ZFP91: variants seen among roughly 807,000 people sequenced by gnomAD.
ZFP91 encodes the protein ZFP91 zinc finger protein, atypical E3 ubiquitin ligase, also known as E3 ubiquitin-protein ligase ZFP91.
A neutral mutation model predicts 63.5 loss-of-function variants in ZFP91; 7 were observed. The observed-to-expected ratio is 0.11, with a 90% CI of 0.06 to 0.21. ZFP91 has a LOEUF of 0.21. Among genes scored for constraint, ZFP91 ranks in the 10% least tolerant of loss-of-function variants. The probability of loss-of-function intolerance (pLI) is 1.00; values close to 1 mark genes in which losing one functional copy is unlikely to be tolerated. For synonymous variants in ZFP91, 330 were observed against 272.1 expected (o/e 1.21, Z -2.10); for missense variants, 628 against 736.6 (o/e 0.85, Z 1.71).
chr11:58,587,099 T>A (rs1354528510), intron 2 of ZFP91, among the ~76,000 whole-genome samples: 2 of 151,338 alleles, frequency 1.3e-5, no homozygotes, highest in East Asian at 3.9e-4. Flanking sequence ...AGTTGCAACT[T>A]AAAAAAAAAG....
chr11:58,597,892 C>G (rs1324042574), intron 2 of ZFP91, among the ~76,000 whole-genome samples: 2 of 152,242 alleles, frequency 1.3e-5, no homozygotes, highest in East Asian at 3.9e-4. Context: ...GGAAGCACTT[C>G]CAGTATCACT....
At chr11:58,616,887 A>G (rs2134426197) in intron 10 of ZFP91, 72 bp downstream of exon 10, 2 of 1,427,296 alleles carry the variant, frequency 1.4e-6, no homozygotes, top group Non-Finnish European at 2.0e-6. Flanking sequence ...GCCGCTTTAC[A>G]AACATATTAG....
intron 2 of ZFP91, among the ~76,000 whole-genome samples, chr11:58,590,902 T>A (rs1348147155): frequency 6.6e-6 from 1 of 151,708 alleles, no homozygotes; most frequent in Non-Finnish European, 1.5e-5. Context: ...CATTTGATAT[T>A]TCTGGGTTTT....
chr11:58,594,127 CTG>C lies in ZFP91; in HGVS notation c.370+9246_370+9247del, dbSNP rs544695581. On this transcript the variant is annotated intron_variant, in intron 2 of 10. Coordinates refer to ENST00000316059, the MANE Select transcript of ZFP91 (RefSeq NM_053023.5). ...TGTCACCGTTCTGTTTAAACTCTGTCTGTGGCTATTAGGATAAGATTCAAAAT... is the reference window on the plus strand; with the variant it reads ...TGTCACCGTTCTGTTTAAACTCTGTCTGGCTATTAGGATAAGATTCAAAAT... 3.6e-3 allele frequency among the ~76,000 whole-genome samples: 545 copies of C among 152,282 alleles called. 1 individual carries two copies. The highest frequency in any genetic ancestry group is 5.8e-3 in the Non-Finnish European group (398 of 68,036).
At chr11:58,590,393 G>A (rs1053799170) in intron 2 of ZFP91, among the ~76,000 whole-genome samples, 8 of 152,082 alleles carry the variant, frequency 5.3e-5, no homozygotes, top group African/African-American at 1.9e-4. Context: ...TTACTGGTTG[G>A]GCCATTCCCC....
intron 2 of ZFP91, 51 bp from the exon 3 acceptor site, chr11:58,609,779 G>A: frequency 6.7e-7 from 1 of 1,497,230 alleles, no homozygotes. Context: ...ATACAGGGAT[G>A]GTTATTGGTT....
At chr11:58,611,115 A>T (rs1195274299) in intron 5 of ZFP91, 61 bp downstream of exon 5, 1 of 1,468,058 alleles carries the variant, frequency 6.8e-7, no homozygotes, top group East Asian at 2.3e-5. Context: ...GCACTGTTGC[A>T]TGCTTTTATT....
At chr11:58,611,772 C>T (rs866672933) in intron 6 of ZFP91, 34 bp downstream of exon 6, 2 of 1,575,940 alleles carry the variant, frequency 1.3e-6, no homozygotes, top group African/African-American at 1.4e-5. Flanking sequence ...GAAAATCTAA[C>T]AGATTTTGAA....
At chr11:58,596,826 C>T (rs1041028382) in intron 2 of ZFP91, among the ~76,000 whole-genome samples, 3 of 151,944 alleles carry the variant, frequency 2.0e-5, no homozygotes, top group Non-Finnish European at 2.9e-5. Context: ...TTTTCTATAA[C>T]GATGGCATCT....
chr11:58,584,949 G>T (rs527425968), intron 2 of ZFP91, 65 bp downstream of exon 2: 2 of 1,272,758 alleles, frequency 1.6e-6, no homozygotes, highest in Non-Finnish European at 2.1e-6. Context: ...CTGTTAGAAA[G>T]CCTCATCATT....
chr11:58,594,880 A>G (rs893085980), intron 2 of ZFP91, among the ~76,000 whole-genome samples: 3 of 152,232 alleles, frequency 2.0e-5, no homozygotes, highest in African/African-American at 7.2e-5. Flanking sequence ...ATAAGGAAAT[A>G]CAGCATGTGG....
chr11:58,617,949 C>T lies in ZFP91; in HGVS notation c.*243C>T. The T allele has an allele frequency of 4.8e-6, 2 of 415,346 alleles. No individual in the cohort carries two copies. The highest frequency in any genetic ancestry group is 8.0e-6 in the Non-Finnish European group (2 of 251,394). 25.7% of individuals were successfully genotyped at this position (415,346 alleles called of 1,614,324 possible). A position where few individuals can be genotyped will look rare whatever the true frequency, so the allele number is the denominator to read the frequency against. On this transcript the variant is annotated 3_prime_UTR_variant, in exon 11 of 11. Transcript: ENST00000316059. This position sits in a 1 kb window ranked among gnomAD's most constrained non-coding sequence, Gnocchi z 4.2. ...AGAAAGGTAGACAAAAAAGAAGCAG[C>T]AGCAGCTCTTAAAGTGAGGGTTATT...
chr11:58,589,542 CTAGTGA>C (rs542531071), intron 2 of ZFP91, among the ~76,000 whole-genome samples: 25 of 152,328 alleles, frequency 1.6e-4, no homozygotes, highest in African/African-American at 5.8e-4. Context: ...CAAAGTGCAG[CTAGTGA>C]TAGAAATACA....
At chr11:58,612,664 A>G in intron 7 of ZFP91, 98 bp from the exon 8 acceptor site, 2 of 890,986 alleles carry the variant, frequency 2.2e-6, no homozygotes, top group South Asian at 3.2e-5. Context: ...TCCTACTATA[A>G]AATAGCTATT....
chr11:58,596,294 G>A (rs1487345540), intron 2 of ZFP91, among the ~76,000 whole-genome samples: 2 of 152,220 alleles, frequency 1.3e-5, no homozygotes, highest in Non-Finnish European at 2.9e-5. Flanking sequence ...ATCTCAGGGG[G>A]TGACAGAGGT....
rs1189561542 is a variant in ZFP91 at position 58,579,116 on chromosome 11, G to T, written c.-166G>T. The T allele has an allele frequency of 6.6e-5, 33 of 497,570 alleles. No individual in the cohort carries two copies. The highest frequency in any genetic ancestry group is 6.4e-4 in the South Asian group (14 of 21,894). The allele number at this position is 497,570 out of a possible 1,614,324, so 30.8% of individuals were successfully genotyped here. A position where few individuals can be genotyped will look rare whatever the true frequency, so the allele number is the denominator to read the frequency against. On this transcript the variant is annotated 5_prime_UTR_variant, in exon 1 of 11. Transcript: ENST00000316059. ...TAGCGGACCTTGAGTGGCAGGGGGTGGGGGGGGCGCCCTCGGAGCCGGGCG... is the reference window on the plus strand; with the variant it reads ...TAGCGGACCTTGAGTGGCAGGGGGTTGGGGGGGCGCCCTCGGAGCCGGGCG...
rs1227761520 is a variant in ZFP91 at position 58,612,822 on chromosome 11, C to G, written c.969C>G (p.Ala323=). Reference sequence around the variant, plus strand: ...TGGAAGGATGTGGAACTGTCCTTGCCCATCCTCGCTATTTGCAGGTCAGTG... The same window carrying G: ...TGGAAGGATGTGGAACTGTCCTTGCGCATCCTCGCTATTTGCAGGTCAGTG... ...CEMEGCGTVL[A]HPRYLQHHIK... The change falls in exon 8 of 11, where the codon GCC becomes GCG. Residue 323 remains alanine, a synonymous_variant. Coordinates refer to ENST00000316059, the MANE Select transcript of ZFP91 (RefSeq NM_053023.5). 3 of 1,612,094 alleles carry G rather than the reference C, an allele frequency of 1.9e-6. No individual in the cohort carries two copies. The highest frequency in any genetic ancestry group is 2.5e-6 in the Non-Finnish European group (3 of 1,179,220).
At chr11:58,612,902 C>A in intron 8 of ZFP91, 62 bp downstream of exon 8, 3 of 1,420,366 alleles carry the variant, frequency 2.1e-6, no homozygotes, top group Non-Finnish European at 2.9e-6. Flanking sequence ...TCTTGCACCA[C>A]GAGACTTTAA....
At chr11:58,602,993 A>G (rs192411043) in intron 2 of ZFP91, among the ~76,000 whole-genome samples, 4 of 152,318 alleles carry the variant, frequency 2.6e-5, no homozygotes, top group Admixed American at 2.6e-4. Context: ...AAAAAAGAAA[A>G]GAAAAAACAG....
Sources: allele counts gnomAD v4.1 joint callset (sites outside exome capture counted in the v4.1 genomes callset), GRCh38; gene constraint gnomAD v4.1.1; non-coding constraint Gnocchi (gnomAD v3.1); transcripts MANE v1.5; gene names NCBI Gene and HGNC (gene_info 2026-07-23, HGNC 2026-07-21).